TNFRSF10A: variants seen among roughly 807,000 people sequenced by gnomAD.
The protein encoded by TNFRSF10A is TNF receptor superfamily member 10a.
Under a neutral mutation model 42.8 loss-of-function variants are expected in TNFRSF10A, and 44 were observed. The observed-to-expected ratio is 1.03, with a 90% CI of 0.81 to 1.32. The LOEUF (loss-of-function observed/expected upper bound fraction) is 1.32. TNFRSF10A is among the 40% of genes most tolerant of loss of function. The pLI, the probability that TNFRSF10A is intolerant of heterozygous loss-of-function variation, is 0.00. For synonymous variants in TNFRSF10A, 259 were observed against 234.2 expected (o/e 1.11, Z -0.97); for missense variants, 680 against 602.0 (o/e 1.13, Z -1.36).
intron 1 of TNFRSF10A, among the ~76,000 whole-genome samples, chr8:23,221,446 A>G (rs981838089): frequency 1.7e-4 from 26 of 152,212 alleles, no homozygotes; most frequent in Non-Finnish European, 3.4e-4. Context: ...TACTTTGATA[A>G]AGAGAGAGAC....
At chr8:23,201,418 A>G (rs1389750965) in intron 4 of TNFRSF10A, among the ~76,000 whole-genome samples, 6 of 152,232 alleles carry the variant, frequency 3.9e-5, no homozygotes, top group East Asian at 3.9e-4. Context: ...TTATGACTCA[A>G]TTTGTTTAAA....
Position 23,200,587 on chromosome 8 carries a change from A to G in TNFRSF10A, c.717T>C (p.Asn239=), listed in dbSNP as rs375941892. 41 of 1,614,018 alleles carry G rather than the reference A, an allele frequency of 2.5e-5. No individual in the cohort carries two copies. The highest frequency in any genetic ancestry group is 8.0e-5 in the African/African-American group (6 of 74,916). The change falls in exon 6 of 10, where the codon AAT becomes AAC. Residue 239 remains asparagine (N), a synonymous_variant. Coordinates refer to ENST00000221132, the MANE Select transcript of TNFRSF10A (RefSeq NM_003844.4). ...AAGTCACAACCAAAATCACCCATAT[A>G]TTATGTCCATTGCCTGAGAAAAGAC... ...CVHKESGNGH[N]IWVILVVTLV...
chr8:23,211,831 T>C (rs544102450), intron 2 of TNFRSF10A, among the ~76,000 whole-genome samples: 3 of 152,360 alleles, frequency 2.0e-5, no homozygotes, highest in South Asian at 4.1e-4. Context: ...AAGAATGCAG[T>C]TGGACGCTTA....
intron 7 of TNFRSF10A, among the ~76,000 whole-genome samples, 160 bp from the exon 8 acceptor site, chr8:23,199,608 G>C (rs1800878413): frequency 6.6e-6 from 1 of 152,166 alleles, no homozygotes; most frequent in African/African-American, 2.4e-5. Context: ...GCCAGGCCCT[G>C]GTGCTGGGCT....
rs1033261534 is a variant in TNFRSF10A at position 23,191,423 on chromosome 8, C to A, written c.*271G>T. 3.5e-4 allele frequency: 173 copies of A among 497,638 alleles called. No homozygotes were observed. Among genetic ancestry groups the A allele is most frequent in the African/African-American group, 3.1e-3 (162 of 51,666 alleles). 30.8% of individuals were successfully genotyped at this position (497,638 alleles called of 1,614,324 possible). On this transcript the variant is annotated 3_prime_UTR_variant, in exon 10 of 10. Transcript: ENST00000221132. The stretch of plus-strand genomic sequence containing the variant: ...AAGTGATTCTCCTGCCTCAGCCTCC[C>A]GAGTAGCCGAGAATATATGCACACA...
At chr8:23,192,105 G>C in intron 9 of TNFRSF10A, 92 bp from the exon 10 acceptor site, 1 of 1,506,872 alleles carries the variant, frequency 6.6e-7, no homozygotes, top group Non-Finnish European at 8.8e-7. Flanking sequence ...AACCCAAGGA[G>C]AGAACCTGGA....
chr8:23,216,698 C>T (rs377109989), intron 1 of TNFRSF10A, among the ~76,000 whole-genome samples: 9 of 151,080 alleles, frequency 6.0e-5, no homozygotes, highest in Non-Finnish European at 8.8e-5. Flanking sequence ...ACCGGGATCA[C>T]GCCACTGCAT....
chr8:23,201,684 G>A, intron 4 of TNFRSF10A, 124 bp downstream of exon 4: 1 of 839,136 alleles, frequency 1.2e-6, no homozygotes, highest in South Asian at 1.5e-5. Flanking sequence ...GACACCTATG[G>A]GGGTGGAGGC....
At chr8:23,206,889 T>C in intron 2 of TNFRSF10A, 1 of 260,482 alleles carries the variant, frequency 3.8e-6, no homozygotes, top group South Asian at 5.3e-5. Flanking sequence ...TTATCAAAAC[T>C]ACTCCTAAAG....
chr8:23,211,663 CA>C (rs1344999093), intron 2 of TNFRSF10A, among the ~76,000 whole-genome samples: 5 of 152,174 alleles, frequency 3.3e-5, no homozygotes, highest in African/African-American at 1.2e-4. Flanking sequence ...GACTGTGTGG[CA>C]CTGGAAAGAG....
intron 9 of TNFRSF10A, among the ~76,000 whole-genome samples, chr8:23,194,048 G>A (rs1273504008): frequency 6.6e-6 from 1 of 152,110 alleles, no homozygotes; most frequent in Admixed American, 6.6e-5. Flanking sequence ...CATGGAAACT[G>A]CTTTACCTAA....
intron 9 of TNFRSF10A, among the ~76,000 whole-genome samples, chr8:23,192,560 A>G (rs2128846020): frequency 6.6e-6 from 1 of 152,310 alleles, no homozygotes; most frequent in East Asian, 1.9e-4. Flanking sequence ...TCTCAGGACT[A>G]CCAGGGATTG....
rs34737614 is a variant in TNFRSF10A at position 23,225,030 on chromosome 8, C to A, written c.32G>T (p.Gly11Val). The A allele has an allele frequency of 8.8e-5, 137 of 1,564,584 alleles. No individual in the cohort carries two copies. Among genetic ancestry groups the A allele is most frequent in the East Asian group, 5.2e-4 (23 of 44,060 alleles). The stretch of plus-strand genomic sequence containing the variant: ...ATTCGGAGTCACTGCCAGGAACGCA[C>A]CTAGATGTACTCTAGCTGGTGGTGG... MAPPPARVHL[G>V]AFLAVTPNPG... is the part of the protein sequence containing the mutation. The change falls in exon 1 of 10, where the codon GGT becomes GTT. Residue 11 changes from glycine to valine, a missense_variant. Coordinates refer to ENST00000221132, the MANE Select transcript of TNFRSF10A (RefSeq NM_003844.4).
chr8:23,206,253 A>T (rs1361641773), intron 2 of TNFRSF10A, among the ~76,000 whole-genome samples: 1 of 152,158 alleles, frequency 6.6e-6, no homozygotes, highest in African/African-American at 2.4e-5. Context: ...GGAAAAAAAA[A>T]TTTACAGATT....
intron 1 of TNFRSF10A, among the ~76,000 whole-genome samples, chr8:23,223,332 T>TG (rs1801283480): frequency 6.6e-6 from 1 of 152,358 alleles, no homozygotes; most frequent in South Asian, 2.1e-4. Context: ...CCCAGAGTGC[T>TG]GGGATTACAG....
At chr8:23,196,528 C>T (rs559599276) in intron 9 of TNFRSF10A, among the ~76,000 whole-genome samples, 7 of 152,180 alleles carry the variant, frequency 4.6e-5, no homozygotes, top group African/African-American at 1.7e-4. Context: ...ACTATATAAA[C>T]CCCTAGTTTT....
At chr8:23,200,884 C>T (rs899902468) in intron 4 of TNFRSF10A, 124 bp from the exon 5 acceptor site, 52 of 914,018 alleles carry the variant, frequency 5.7e-5, no homozygotes, top group Non-Finnish European at 6.9e-5. Context: ...ATAGTCTCCT[C>T]GTATCTGCAG....
intron 4 of TNFRSF10A, 98 bp downstream of exon 4, chr8:23,201,710 C>A: frequency 1.8e-6 from 2 of 1,138,906 alleles, no homozygotes. Flanking sequence ...GGGGTCAGGG[C>A]TGATAGATAC....
At chr8:23,214,466 C>T (rs962039040) in intron 1 of TNFRSF10A, among the ~76,000 whole-genome samples, 1 of 148,996 alleles carries the variant, frequency 6.7e-6, no homozygotes, top group African/African-American at 2.5e-5. Context: ...CCAGCCTGGA[C>T]GACAGAGCCA....
Sources: allele counts gnomAD v4.1 joint callset (sites outside exome capture counted in the v4.1 genomes callset), GRCh38; gene constraint gnomAD v4.1.1; transcripts MANE v1.5; gene names NCBI Gene and HGNC (gene_info 2026-07-23, HGNC 2026-07-21).